SPTBN1: variants seen among roughly 807,000 people sequenced by gnomAD.
SPTBN1 encodes spectrin beta, non-erythrocytic 1, also known as spectrin beta chain, non-erythrocytic 1.
SPTBN1 carries 32 observed loss-of-function variants against 266.4 expected under a neutral mutation model. The ratio of observed to expected loss-of-function variants is 0.12; its 90% CI spans 0.09 to 0.16. SPTBN1 has a LOEUF of 0.16. Among genes scored for constraint, SPTBN1 ranks in the 10% least tolerant of loss-of-function variants. The pLI is 1.00. For synonymous variants in SPTBN1, 1,336 were observed against 1,162.2 expected, an observed-to-expected ratio of 1.15 and a Z score of -3.04; for missense variants, 2,296 against 3,067.1, an observed-to-expected ratio of 0.75 and a Z score of 5.94.
At chr2:54,514,091 G>A (rs765218412) in intron 1 of SPTBN1, among the ~76,000 whole-genome samples, 1 of 152,168 alleles carries the variant, frequency 6.6e-6, no homozygotes. Context: ...TCTTCTCAGG[G>A]ACTCAAATAA....
rs1467526710 is a variant in SPTBN1, at chr2:54,645,164, G to A, written c.4270-65G>A. 8 of 1,569,926 alleles carry A rather than the reference G, an allele frequency of 5.1e-6. No individual in the cohort carries two copies. In the African/African-American group the frequency reaches 6.8e-5, roughly 13 times the overall value. Reference sequence around the variant, plus strand: ...GCCAAGTCCCAGGCCCAGCAGTTCTGCTTAGAGCCAGTCACTGCAAAAGAT... The same window carrying A: ...GCCAAGTCCCAGGCCCAGCAGTTCTACTTAGAGCCAGTCACTGCAAAAGAT... On this transcript the variant is annotated intron_variant, in intron 20 of 35. Transcript: ENST00000356805. The surrounding 1 kb of genome is among the most constrained non-coding windows in gnomAD (Gnocchi z 4.3).
intron 2 of SPTBN1, among the ~76,000 whole-genome samples, chr2:54,593,072 C>T (rs1675795106): frequency 6.6e-6 from 1 of 152,194 alleles, no homozygotes; most frequent in South Asian, 2.1e-4. Context: ...TAGGATTTCC[C>T]TTATAATTTA....
At chr2:54,560,953 C>A (rs1266283627) in intron 2 of SPTBN1, among the ~76,000 whole-genome samples, 1 of 152,176 alleles carries the variant, frequency 6.6e-6, no homozygotes, top group African/African-American at 2.4e-5. Context: ...TAATTCCCAT[C>A]CCTGGTTTTG....
intron 1 of SPTBN1, among the ~76,000 whole-genome samples, chr2:54,499,122 A>T (rs533995546): frequency 7.6e-6 from 1 of 132,150 alleles, no homozygotes; most frequent in Non-Finnish European, 1.6e-5. Flanking sequence ...TAGGGTTAAC[A>T]TTTGCCCACT....
At chr2:54,590,246 G>A (rs1038444781) in intron 2 of SPTBN1, among the ~76,000 whole-genome samples, 5 of 152,184 alleles carry the variant, frequency 3.3e-5, no homozygotes, top group African/African-American at 1.2e-4. Flanking sequence ...GCAAGAAGCA[G>A]TTCACCTGTC....
intron 1 of SPTBN1, among the ~76,000 whole-genome samples, chr2:54,472,428 A>G (rs776012909): frequency 2.0e-5 from 3 of 152,180 alleles, no homozygotes. Flanking sequence ...GCAGAGTCAG[A>G]GGCATTGGTT....
chr2:54,590,273 A>G (rs1675580460), intron 2 of SPTBN1, among the ~76,000 whole-genome samples: 1 of 152,258 alleles, frequency 6.6e-6, no homozygotes, highest in African/African-American at 2.4e-5. Context: ...TTTTAGTGCT[A>G]TACAATGACA....
At position 54,509,679 on chromosome 2, in the gene SPTBN1, C is replaced by T. The variant is rs1189004670; in HGVS notation, c.-47-16693C>T. Among the ~76,000 whole-genome samples the T allele has an allele frequency of 3.3e-5, 5 of 152,192 alleles. No homozygotes were observed. In the East Asian group the frequency reaches 9.6e-4, roughly 29 times the overall value. ...GGATTGAGATTGGAGTTTAATGGCACAGAAGGCAGCTTTAGGGTTCACTTG... is the reference window on the plus strand; with the variant it reads ...GGATTGAGATTGGAGTTTAATGGCATAGAAGGCAGCTTTAGGGTTCACTTG... On this transcript the variant is annotated intron_variant, in intron 1 of 35. Coordinates refer to ENST00000356805, the MANE Select transcript of SPTBN1 (RefSeq NM_003128.3).
chr2:54,630,797 A>G (rs569757803), intron 15 of SPTBN1, 58 bp from the exon 16 acceptor site: 15 of 1,509,034 alleles, frequency 9.9e-6, no homozygotes, highest in South Asian at 1.4e-5. Flanking sequence ...TCCTTTTGCA[A>G]TCCAGCCATG....
intron 16 of SPTBN1, among the ~76,000 whole-genome samples, chr2:54,631,913 T>G (rs1255403444): frequency 6.6e-6 from 1 of 152,042 alleles, no homozygotes; most frequent in African/African-American, 2.4e-5. Flanking sequence ...TTGATCCAAT[T>G]TAAAAGATAC....
In SPTBN1 at chr2:54,645,794, A is replaced by C; in HGVS notation, c.4495-134A>C. On this transcript the variant is annotated intron_variant, in intron 21 of 35. Transcript: ENST00000356805. This position sits in a 1 kb window ranked among gnomAD's most constrained non-coding sequence, Gnocchi z 4.3. ...TCGGAGAACAAGGGCGTGCTTCCCCAGACAGCCCTCCCGAGGGGGCTGAGC... is the reference window on the plus strand; with the variant it reads ...TCGGAGAACAAGGGCGTGCTTCCCCCGACAGCCCTCCCGAGGGGGCTGAGC... 1 of 916,898 alleles carries C rather than the reference A, an allele frequency of 1.1e-6. No individual in the cohort carries two copies. The highest frequency in any genetic ancestry group is 1.6e-5 in the South Asian group (1 of 62,934). The allele number at this position is 916,898 out of a possible 1,614,324, so 56.8% of individuals were successfully genotyped here.
intron 18 of SPTBN1, among the ~76,000 whole-genome samples, chr2:54,641,186 G>A (rs1211067044): frequency 6.6e-6 from 1 of 152,234 alleles, no homozygotes; most frequent in East Asian, 1.9e-4. Context: ...GAACTAGCAA[G>A]TTCCATAGAT....
In SPTBN1 at chr2:54,581,577, C is replaced by CTTTTTTTTTTTTTTTTTTTT. The variant is rs70944181; in HGVS notation, c.149-17511_149-17492dup. On this transcript the variant is annotated intron_variant, in intron 2 of 35. Transcript: ENST00000356805. ...GCCTTCATGCTTTGGTTTCTTTGCC[C>CTTTTTTTTTTTTTTTTTTTT]TTTTTTTTTTTTTTTTTTTTTTTGA... Among the ~76,000 whole-genome samples the CTTTTTTTTTTTTTTTTTTTT allele has an allele frequency of 1.5e-3, 152 of 102,582 alleles. 1 individual carries two copies. The highest frequency in any genetic ancestry group is 2.0e-3 in the Non-Finnish European group (107 of 54,326). The allele number at this position is 102,582 out of a possible 152,430, so 67.3% of individuals were successfully genotyped here. A position where few individuals can be genotyped will look rare whatever the true frequency, so the allele number is the denominator to read the frequency against.
intron 2 of SPTBN1, among the ~76,000 whole-genome samples, chr2:54,586,903 T>C (rs946539056): frequency 6.6e-6 from 1 of 152,196 alleles, no homozygotes; most frequent in Non-Finnish European, 1.5e-5. Flanking sequence ...CTATCTTGAA[T>C]GTCTGAAAAT....
chr2:54,494,908 GTT>G (rs200669243), intron 1 of SPTBN1, among the ~76,000 whole-genome samples: 6 of 106,146 alleles, frequency 5.7e-5, no homozygotes, highest in South Asian at 6.5e-4. Context: ...GAATAAAGCT[GTT>G]TTTTTTTAAA....
At position 54,668,682 on chromosome 2, in the gene SPTBN1, T is replaced by A; in HGVS notation, c.*113T>A. 4 of 685,644 alleles carry A rather than the reference T, an allele frequency of 5.8e-6. No individual in the cohort carries two copies. The highest frequency in any genetic ancestry group is 6.3e-6 in the Non-Finnish European group (3 of 475,754). The allele number at this position is 685,644 out of a possible 1,614,324, so 42.5% of individuals were successfully genotyped here. On this transcript the variant is annotated 3_prime_UTR_variant, in exon 36 of 36. Transcript: ENST00000356805. ...CCTAATGTTCCTCAATGTGGTTGAT[T>A]TTTTTTTTTTTTTAATTTATAGAGC... is the stretch of plus-strand genomic sequence containing the variant.
intron 3 of SPTBN1, among the ~76,000 whole-genome samples, chr2:54,607,560 T>G (rs1474617738): frequency 6.6e-6 from 1 of 152,096 alleles, no homozygotes; most frequent in Non-Finnish European, 1.5e-5. Flanking sequence ...AGGCAGAGAT[T>G]GCGGTGAGAT....
chr2:54,527,813 C>G lies in SPTBN1; in HGVS notation c.148+1247C>G, dbSNP rs570143835. 1.1e-4 allele frequency: 17 copies of G among 152,336 alleles called. 1 individual carries two copies. The East Asian group carries it at 1.2e-3, about 10-fold the overall frequency. 9.4% of individuals were successfully genotyped at this position (152,336 alleles called of 1,614,324 possible). A position where few individuals can be genotyped will look rare whatever the true frequency, so the allele number is the denominator to read the frequency against. ...GATTGATCATGACTTGGATCATGTGCTTCTCCCGCTGGTGTTGGAGAATCT... is the reference window on the plus strand; with the variant it reads ...GATTGATCATGACTTGGATCATGTGGTTCTCCCGCTGGTGTTGGAGAATCT... On this transcript the variant is annotated intron_variant, in intron 2 of 35. Coordinates refer to ENST00000356805, the MANE Select transcript of SPTBN1 (RefSeq NM_003128.3).
chr2:54,645,934 G>C lies in SPTBN1; in HGVS notation c.4501G>C (p.Val1501Leu). The C allele has an allele frequency of 1.9e-6, 3 of 1,614,180 alleles. No individual in the cohort carries two copies. Among genetic ancestry groups the C allele is most frequent in the Non-Finnish European group, 2.5e-6 (3 of 1,180,032 alleles). Residue 1501 changes from valine to leucine, a missense_variant, in exon 22 of 36, where the codon GTT (valine) becomes CTT (leucine). Val to Leu is a conservative substitution (Grantham distance 32, BLOSUM62 1). This residue lies in a region of SPTBN1 where 644 missense variants were observed against 745.3 expected (regional missense o/e 0.86). Coordinates refer to ENST00000356805, the MANE Select transcript of SPTBN1 (RefSeq NM_003128.3). This position sits in a 1 kb window ranked among gnomAD's most constrained non-coding sequence, Gnocchi z 4.3. ...NRDVEDEILW[V>L]GERMPLATST... ...TATTTAAAATTCTTCCCAGTTGTGG[G>C]TTGGAGAGAGGATGCCTTTGGCAAC...
Sources: allele counts gnomAD v4.1 joint callset (sites outside exome capture counted in the v4.1 genomes callset), GRCh38; gene constraint gnomAD v4.1.1; regional missense constraint gnomAD v4.1.1; non-coding constraint Gnocchi (gnomAD v3.1); transcripts MANE v1.5; gene names NCBI Gene and HGNC (gene_info 2026-07-23, HGNC 2026-07-21).